CNTN4: variants seen among roughly 807,000 people sequenced by gnomAD.
CNTN4 encodes the protein contactin 4.
A neutral mutation model predicts 122.5 loss-of-function variants in CNTN4; 77 were observed. The ratio of observed to expected loss-of-function variants is 0.63; its 90% CI spans 0.52 to 0.76. CNTN4 has a LOEUF of 0.76. Ranked by LOEUF, CNTN4 falls within the 30% of genes least tolerant of loss-of-function variation. The pLI is 0.00. For synonymous variants in CNTN4, 512 were observed against 447.0 expected, an observed-to-expected ratio of 1.15 and a Z score of -1.83; for missense variants, 1,256 against 1,259.1, an observed-to-expected ratio of 1.00 and a Z score of 0.04.
chr3:2,257,567 C>T (rs1199067716), intron 2 of CNTN4, among the ~76,000 whole-genome samples: 1 of 152,060 alleles, frequency 6.6e-6, no homozygotes, highest in Non-Finnish European at 1.5e-5. Context: ...CCAGAATCTA[C>T]AAAGAACTTA....
intron 2 of CNTN4, among the ~76,000 whole-genome samples, chr3:2,311,831 C>T (rs1967597): frequency 0.18 from 27,469 of 151,960 alleles, 2,877 homozygotes; most frequent in East Asian, 0.47. Context: ...GTTTTCCAAG[C>T]AATTACGTTT....
intron 20 of CNTN4, 97 bp from the exon 21 acceptor site, chr3:3,042,213 C>A: frequency 1.1e-6 from 1 of 923,242 alleles, no homozygotes; most frequent in Non-Finnish European, 1.8e-6. Context: ...AAGGACGATT[C>A]TATAACCATG....
At chr3:2,679,268 C>T (rs753544628) in intron 4 of CNTN4, among the ~76,000 whole-genome samples, 4 of 152,118 alleles carry the variant, frequency 2.6e-5, no homozygotes, top group Non-Finnish European at 4.4e-5. Context: ...TTTCTGCACA[C>T]ACATTGATGC....
chr3:2,766,992 G>A (rs1384340559), intron 6 of CNTN4, among the ~76,000 whole-genome samples: 1 of 152,148 alleles, frequency 6.6e-6, no homozygotes, highest in Non-Finnish European at 1.5e-5. Context: ...TGGAGCTGAT[G>A]TAAGGACTTG....
chr3:2,297,787 T>G (rs2042368709), intron 2 of CNTN4, among the ~76,000 whole-genome samples: 1 of 152,172 alleles, frequency 6.6e-6, no homozygotes, highest in Non-Finnish European at 1.5e-5. Context: ...TGGAGTGCAG[T>G]GGCACAATCA....
intron 2 of CNTN4, among the ~76,000 whole-genome samples, chr3:2,114,565 C>T (rs539245655): frequency 1.3e-4 from 20 of 152,058 alleles, no homozygotes; most frequent in African/African-American, 3.6e-4. Flanking sequence ...TATGAGTGGA[C>T]GCTAGGGGTA....
At chr3:2,442,935 T>C (rs2048490670) in intron 3 of CNTN4, among the ~76,000 whole-genome samples, 1 of 152,182 alleles carries the variant, frequency 6.6e-6, no homozygotes, top group Non-Finnish European at 1.5e-5. Context: ...TGATCCTTTT[T>C]AATAATTTAC....
chr3:2,353,926 CA>C (rs144514411), intron 3 of CNTN4, among the ~76,000 whole-genome samples: 19,109 of 151,544 alleles, frequency 0.13, 1,506 homozygotes, highest in Non-Finnish European at 0.18. Flanking sequence ...AACAAACAAA[CA>C]AAAAAAACAT....
At chr3:2,734,164 C>T (rs902866304) in intron 4 of CNTN4, among the ~76,000 whole-genome samples, 2 of 152,080 alleles carry the variant, frequency 1.3e-5, no homozygotes, top group Non-Finnish European at 2.9e-5. Flanking sequence ...CAGATCAAGC[C>T]ATCCTCCCAC....
intron 2 of CNTN4, among the ~76,000 whole-genome samples, chr3:2,267,087 T>G (rs2041082017): frequency 6.6e-6 from 1 of 152,216 alleles, no homozygotes; most frequent in East Asian, 1.9e-4. Context: ...TGTAAAGAAC[T>G]TCTAATGAGT....
chr3:2,440,689 C>A (rs953219406), intron 3 of CNTN4, among the ~76,000 whole-genome samples: 1 of 150,906 alleles, frequency 6.6e-6, no homozygotes, highest in African/African-American at 2.4e-5. Flanking sequence ...CACACATATA[C>A]GTATATATAT....
intron 2 of CNTN4, among the ~76,000 whole-genome samples, chr3:2,211,017 C>T (rs2038592277): frequency 6.6e-6 from 1 of 152,082 alleles, no homozygotes; most frequent in African/African-American, 2.4e-5. Context: ...TCAAGAAATA[C>T]CTGAAACTGG....
chr3:2,384,099 C>T (rs530292447), intron 3 of CNTN4, among the ~76,000 whole-genome samples: 104 of 152,190 alleles, frequency 6.8e-4, no homozygotes, highest in African/African-American at 1.3e-3. Context: ...CTACTTTATA[C>T]GGTTGTTGGG....
chr3:2,313,664 A>C (rs374347208), intron 2 of CNTN4, among the ~76,000 whole-genome samples: 9 of 151,998 alleles, frequency 5.9e-5, no homozygotes, highest in Non-Finnish European at 1.3e-4. Context: ...ACTCCCAACT[A>C]TATGTTTGAT....
intron 6 of CNTN4, among the ~76,000 whole-genome samples, chr3:2,815,216 A>G (rs1451540596): frequency 6.6e-6 from 1 of 152,230 alleles, no homozygotes; most frequent in African/African-American, 2.4e-5. Flanking sequence ...AAGCAAATGC[A>G]ATAAAAGCAA....
At chr3:2,274,706 A>G (rs941777254) in intron 2 of CNTN4, among the ~76,000 whole-genome samples, 7 of 152,098 alleles carry the variant, frequency 4.6e-5, no homozygotes, top group Non-Finnish European at 1.0e-4. Context: ...GGGAAGAGAA[A>G]TTTGAGGAGG....
rs375210149 is a variant in CNTN4 at position 2,945,681 on chromosome 3, T to G, written c.1358+19902T>G. On this transcript the variant is annotated intron_variant, in intron 13 of 24. Transcript: ENST00000418658. ...ATAAAAAACTTCGACATCAGATCAA[T>G]AAAACCACCTCTTCGCCTAGTTCCT... is the stretch of plus-strand genomic sequence containing the variant. Among the ~76,000 whole-genome samples, 11 of 152,266 alleles carry G rather than the reference T, an allele frequency of 7.2e-5. No homozygotes were observed. In the South Asian group the frequency reaches 2.1e-3, roughly 29 times the overall value.
At chr3:2,804,315 A>G (rs2092415512) in intron 6 of CNTN4, among the ~76,000 whole-genome samples, 1 of 152,142 alleles carries the variant, frequency 6.6e-6, no homozygotes, top group Non-Finnish European at 1.5e-5. Context: ...CACAATAAAA[A>G]ATTTAAAATG....
intron 6 of CNTN4, among the ~76,000 whole-genome samples, chr3:2,796,418 A>C (rs956501435): frequency 6.6e-6 from 1 of 152,234 alleles, no homozygotes; most frequent in African/African-American, 2.4e-5. Flanking sequence ...CTAATCTAAA[A>C]ATATCACTTG....
Sources: gnomAD v4.1 joint callset for allele counts (sites outside exome capture counted in the v4.1 genomes callset) on GRCh38, gnomAD v4.1.1 for gene constraint, MANE v1.5 for transcripts, NCBI Gene and HGNC (gene_info 2026-07-23, HGNC 2026-07-21) for gene names.